Variants in COL5A2 observed in about 807,000 individuals in gnomAD.
COL5A2 encodes the protein collagen alpha-2(V) chain.
In COL5A2, 23 loss-of-function variants were observed where a neutral mutation model predicts 208.2. That is an observed-to-expected ratio of 0.11 (90% CI 0.08 to 0.16). The LOEUF (loss-of-function observed/expected upper bound fraction) is 0.16. Ranked by LOEUF, COL5A2 falls within the 10% of genes least tolerant of loss-of-function variation. COL5A2 has a pLI of 1.00. For synonymous variants in COL5A2, 625 were observed against 628.5 expected, an observed-to-expected ratio of 0.99 and a Z score of 0.08; for missense variants, 1,590 against 1,956.4, an observed-to-expected ratio of 0.81 and a Z score of 3.53.
chr2:189,034,698 T>C (rs1309651494), intron 53 of COL5A2, among the ~76,000 whole-genome samples: 1 of 152,118 alleles, frequency 6.6e-6, no homozygotes, highest in Non-Finnish European at 1.5e-5. Flanking sequence ...GGATCAGATC[T>C]TAGGGATCCA....
chr2:189,061,317 C>A (rs1224650995), intron 30 of COL5A2, among the ~76,000 whole-genome samples: 1 of 151,848 alleles, frequency 6.6e-6, no homozygotes, highest in Non-Finnish European at 1.5e-5. Flanking sequence ...CTTTTTATTA[C>A]TTTTTTGTTA....
chr2:189,090,327 A>G (rs1022799307), intron 7 of COL5A2, among the ~76,000 whole-genome samples: 2 of 152,222 alleles, frequency 1.3e-5, no homozygotes, highest in African/African-American at 4.8e-5. Flanking sequence ...AGGAAGTGGC[A>G]GAAGAAAAGT....
At chr2:189,423,659 A>T in the COL5A2 span, among the ~76,000 whole-genome samples, 1 of 152,112 alleles carries the variant, frequency 6.6e-6, no homozygotes. Flanking sequence ...TACAAGATTG[A>T]ACTATAAAGA....
At chr2:189,255,298 T>G in the COL5A2 span, among the ~76,000 whole-genome samples, 4 of 152,240 alleles carry the variant, frequency 2.6e-5, no homozygotes, top group Middle Eastern at 3.2e-3. Context: ...ACTCTCTAAT[T>G]ATTAAAACAG....
the COL5A2 span, among the ~76,000 whole-genome samples, chr2:189,414,854 C>T: frequency 6.5e-4 from 98 of 151,644 alleles, 2 homozygotes; most frequent in Middle Eastern, 3.4e-3. Flanking sequence ...TAGATATTAA[C>T]GTCTTTTCTT....
At chr2:189,152,607 C>T (rs1189912093) in intron 1 of COL5A2, among the ~76,000 whole-genome samples, 3 of 152,122 alleles carry the variant, frequency 2.0e-5, no homozygotes, top group African/African-American at 7.2e-5. Flanking sequence ...TGTTGCTCCA[C>T]CCCCTGGGAA....
chr2:189,104,277 C>T lies in COL5A2; in HGVS notation c.323G>A (p.Gly108Asp), dbSNP rs954753747. 2.7e-5 allele frequency: 41 copies of T among 1,505,770 alleles called. No homozygotes were observed. Among genetic ancestry groups the T allele is most frequent in the Non-Finnish European group, 3.8e-5 (41 of 1,083,884 alleles). 93.3% of individuals were successfully genotyped at this position (1,505,770 alleles called of 1,614,324 possible). Residue 108 changes from glycine to aspartate, a missense_variant and splice_region_variant, in exon 3 of 54, where the codon GGT becomes GAT. Transcript: ENST00000374866. ...QTPGGGNTNF[G>D]RGRKGQKGEP... is the part of the protein sequence containing the mutation. ...AGTAACACTTACCTTTCTTCCTCTA[C>T]CTGTAAAAAGAAAAGAGTAAATGTG...
chr2:189,134,739 G>A (rs541906342), intron 1 of COL5A2, among the ~76,000 whole-genome samples: 1 of 152,268 alleles, frequency 6.6e-6, no homozygotes, highest in East Asian at 1.9e-4. Flanking sequence ...CAAATTTCAG[G>A]AAAATGAAAC....
the COL5A2 span, among the ~76,000 whole-genome samples, chr2:189,328,054 A>G: frequency 6.6e-6 from 1 of 152,198 alleles, no homozygotes; most frequent in Admixed American, 6.5e-5. Context: ...TGAAGAGCCA[A>G]CTTCATTCTT....
chr2:189,282,654 A>G, the COL5A2 span, among the ~76,000 whole-genome samples: 1 of 152,202 alleles, frequency 6.6e-6, no homozygotes, highest in East Asian at 1.9e-4. Context: ...CATCTTTAGT[A>G]TATGTAAATG....
the COL5A2 span, among the ~76,000 whole-genome samples, chr2:189,325,900 C>T: frequency 6.6e-6 from 1 of 152,020 alleles, no homozygotes; most frequent in African/African-American, 2.4e-5. Flanking sequence ...AATTCGACAC[C>T]AGCCTGGTCA....
chr2:189,278,001 A>G, the COL5A2 span, among the ~76,000 whole-genome samples: 464 of 152,258 alleles, frequency 3.0e-3, 3 homozygotes, highest in Middle Eastern at 0.014. Context: ...AGGAAAATAA[A>G]TAGTCCCACT....
Position 189,063,266 on chromosome 2 carries a change from G to A in COL5A2, c.1775C>T (p.Ala592Val), listed in dbSNP as rs145169816. Residue 592 changes from alanine to valine, a missense_variant, in exon 27 of 54, where the codon GCG (alanine) becomes GTG (valine). Transcript: ENST00000374866. ...GPEGKLGPLG[A>V]PGEDGRPGPP... The stretch of plus-strand genomic sequence containing the variant: ...ACCTGGACGGCCATCTTCCCCTGGC[G>A]CACCCTATAGAATTGACAGGAGCCA... 1.4e-5 allele frequency: 22 copies of A among 1,612,812 alleles called. No individual in the cohort carries two copies. Among genetic ancestry groups the A allele is most frequent in the South Asian group, 5.5e-5 (5 of 91,082 alleles).
the COL5A2 span, among the ~76,000 whole-genome samples, chr2:189,379,119 T>C: frequency 3.3e-5 from 5 of 152,214 alleles, no homozygotes; most frequent in African/African-American, 9.6e-5. Flanking sequence ...AGCACAAAAA[T>C]GCACCGGCAT....
the COL5A2 span, among the ~76,000 whole-genome samples, chr2:189,240,299 C>A: frequency 6.6e-6 from 1 of 152,022 alleles, no homozygotes; most frequent in African/African-American, 2.4e-5. Flanking sequence ...AGCAAGGGCC[C>A]TCTTCATAGC....
chr2:189,303,563 G>T, the COL5A2 span, among the ~76,000 whole-genome samples: 1 of 152,144 alleles, frequency 6.6e-6, no homozygotes, highest in Admixed American at 6.6e-5. Flanking sequence ...TATGGCCTGA[G>T]AAGGACTCTG....
the COL5A2 span, among the ~76,000 whole-genome samples, chr2:189,237,827 A>AT: frequency 3.3e-5 from 5 of 151,922 alleles, no homozygotes; most frequent in Non-Finnish European, 5.9e-5. Context: ...CGAAGTAATT[A>AT]TAACTCTACA....
At chr2:189,141,620 T>G (rs1440052583) in intron 1 of COL5A2, among the ~76,000 whole-genome samples, 1 of 152,206 alleles carries the variant, frequency 6.6e-6, no homozygotes, top group Non-Finnish European at 1.5e-5. Flanking sequence ...ACGTAGTTAA[T>G]GCAAGTTTTA....
At chr2:189,062,813 G>C in intron 29 of COL5A2, 52 bp downstream of exon 29, 1 of 1,600,642 alleles carries the variant, frequency 6.2e-7, no homozygotes, top group Non-Finnish European at 8.6e-7. Context: ...TCGAAAAAAT[G>C]CAATGTGTGT....
Sources: gnomAD v4.1 joint callset for allele counts (sites outside exome capture counted in the v4.1 genomes callset) on GRCh38, gnomAD v4.1.1 for gene constraint, MANE v1.5 for transcripts, NCBI Gene and HGNC (gene_info 2026-07-23, HGNC 2026-07-21) for gene names.